NBEA: variants seen among roughly 807,000 people sequenced by gnomAD.
The protein encoded by NBEA is neurobeachin, also known as lysosomal-trafficking regulator 2.
In NBEA, 44 loss-of-function variants were observed where a neutral mutation model predicts 343.4. That is an observed-to-expected ratio of 0.13 (90% confidence interval 0.10 to 0.16). The LOEUF is 0.16. NBEA is among the 10% of genes least tolerant of loss of function. NBEA has a pLI of 1.00. For synonymous variants in NBEA, 1,175 were observed against 1,238.7 expected (o/e 0.95, Z 1.08); for missense variants, 2,555 against 3,631.3 (o/e 0.70, Z 7.62).
chr13:35,490,084 T>C (rs1311355514), intron 41 of NBEA, among the ~76,000 whole-genome samples: 1 of 151,874 alleles, frequency 6.6e-6, no homozygotes, highest in African/African-American at 2.4e-5. Flanking sequence ...AGTGGCACTT[T>C]TGTTGTGCGG....
intron 28 of NBEA, among the ~76,000 whole-genome samples, chr13:35,177,934 G>A (rs1475847870): frequency 2.0e-5 from 3 of 151,640 alleles, no homozygotes; most frequent in Non-Finnish European, 4.4e-5. Flanking sequence ...ATAACATAAT[G>A]CTATATGTTA....
At chr13:35,210,985 A>G in intron 32 of NBEA, 68 bp from the exon 33 acceptor site, 1 of 1,449,466 alleles carries the variant, frequency 6.9e-7, no homozygotes. Context: ...ATCAGATAGT[A>G]ATGGTGTAAT....
chr13:35,656,499 A>T (rs1283272222), intron 55 of NBEA, among the ~76,000 whole-genome samples: 1 of 152,176 alleles, frequency 6.6e-6, no homozygotes, highest in Non-Finnish European at 1.5e-5. Flanking sequence ...TATTTATGTA[A>T]GAGAAGTTAG....
chr13:35,649,926 G>GCTA, intron 52 of NBEA, 79 bp downstream of exon 52: 7 of 677,826 alleles, frequency 1.0e-5, no homozygotes, highest in Non-Finnish European at 1.1e-5. Context: ...CTGGGACTGG[G>GCTA]ATTAGCTCAT....
intron 14 of NBEA, 70 bp downstream of exon 14, chr13:35,117,563 A>G (rs1431056949): frequency 4.5e-5 from 31 of 691,880 alleles, no homozygotes; most frequent in Non-Finnish European, 5.1e-5. Flanking sequence ...ATGTTTTAAA[A>G]TTATTAAATT....
chr13:35,500,402 G>C (rs935830495), intron 41 of NBEA, among the ~76,000 whole-genome samples: 1 of 152,152 alleles, frequency 6.6e-6, no homozygotes, highest in African/African-American at 2.4e-5. Context: ...ACACAAAGCT[G>C]TCATCCACCG....
intron 1 of NBEA, among the ~76,000 whole-genome samples, chr13:34,957,087 A>G (rs1347846187): frequency 2.0e-5 from 3 of 152,108 alleles, no homozygotes; most frequent in Non-Finnish European, 4.4e-5. Flanking sequence ...ACACAAACAC[A>G]TACACACACA....
chr13:35,371,949 G>A (rs927134309), intron 38 of NBEA, among the ~76,000 whole-genome samples: 1 of 152,154 alleles, frequency 6.6e-6, no homozygotes. Flanking sequence ...GTAAAGTTTT[G>A]TTGGAGATAG....
rs1292400973 is a variant in NBEA, at chr13:35,581,411, A to G, written c.7036-2487A>G. Among the ~76,000 whole-genome samples the G allele has an allele frequency of 4.0e-5, 6 of 151,824 alleles. No individual in the cohort carries two copies. In the East Asian group the frequency reaches 1.2e-3, roughly 29 times the overall value. On this transcript the variant is annotated intron_variant, in intron 45 of 58. Coordinates refer to ENST00000379939, the MANE Select transcript of NBEA (RefSeq NM_001385012.1). ...TTTTTCATGTGTTTTTTGGCTGCATAAATGTCTTCTTTTGAGAAGTGTCTG... is the reference window on the plus strand; with the variant it reads ...TTTTTCATGTGTTTTTTGGCTGCATGAATGTCTTCTTTTGAGAAGTGTCTG...
chr13:35,086,407 A>G (rs558628121), intron 10 of NBEA, among the ~76,000 whole-genome samples: 10 of 152,068 alleles, frequency 6.6e-5, no homozygotes, highest in African/African-American at 1.9e-4. Flanking sequence ...ATCTAACTGT[A>G]TGTTTGTACC....
chr13:35,669,753 A>C (rs1272076335), intron 58 of NBEA, among the ~76,000 whole-genome samples: 1 of 152,196 alleles, frequency 6.6e-6, no homozygotes, highest in East Asian at 1.9e-4. Context: ...AGTGCAGTGC[A>C]AAGTACTAAG....
intron 45 of NBEA, among the ~76,000 whole-genome samples, chr13:35,579,508 G>C (rs9600973): frequency 0.11 from 16,396 of 152,002 alleles, 1,087 homozygotes; most frequent in African/African-American, 0.19. Flanking sequence ...TAAGATGACA[G>C]AAAGAGGAAA....
intron 1 of NBEA, among the ~76,000 whole-genome samples, chr13:35,008,856 A>C (rs941945111): frequency 9.2e-5 from 14 of 152,160 alleles, no homozygotes; most frequent in African/African-American, 3.4e-4. Flanking sequence ...AATTCTTGGA[A>C]GTCTGTGAAC....
chr13:35,043,456 A>G (rs188526154), intron 2 of NBEA, among the ~76,000 whole-genome samples: 3 of 152,034 alleles, frequency 2.0e-5, no homozygotes, highest in Admixed American at 2.0e-4. Flanking sequence ...GCTTAAAAAT[A>G]CTTCATATTA....
chr13:35,586,066 AT>A (rs1396727704), intron 46 of NBEA, among the ~76,000 whole-genome samples: 1 of 152,038 alleles, frequency 6.6e-6, no homozygotes, highest in Non-Finnish European at 1.5e-5. Flanking sequence ...TTAATCAATA[AT>A]TTTTCCCCTT....
chr13:35,353,347 A>G (rs1203382800), intron 38 of NBEA, among the ~76,000 whole-genome samples: 2 of 152,142 alleles, frequency 1.3e-5, no homozygotes, highest in Admixed American at 6.5e-5. Flanking sequence ...AGGCACAAGA[A>G]TTGCTTGAAC....
intron 39 of NBEA, among the ~76,000 whole-genome samples, chr13:35,436,865 A>G (rs1325069599): frequency 6.6e-6 from 1 of 152,196 alleles, no homozygotes; most frequent in Non-Finnish European, 1.5e-5. Flanking sequence ...AACTTTCAGA[A>G]TGTCTAGAAG....
At chr13:35,112,841 C>T (rs1414707340) in intron 13 of NBEA, among the ~76,000 whole-genome samples, 1 of 152,042 alleles carries the variant, frequency 6.6e-6, no homozygotes, top group East Asian at 1.9e-4. Context: ...ACTCTGTCAC[C>T]TCTAAATACT....
chr13:35,377,622 T>A (rs1310285567), intron 38 of NBEA, among the ~76,000 whole-genome samples: 1 of 152,206 alleles, frequency 6.6e-6, no homozygotes, highest in Non-Finnish European at 1.5e-5. Flanking sequence ...CTAGCTCAGA[T>A]CTCAGTGATT....
Sources: gnomAD v4.1 joint callset for allele counts (sites outside exome capture counted in the v4.1 genomes callset) on GRCh38, gnomAD v4.1.1 for gene constraint, MANE v1.5 for transcripts, NCBI Gene and HGNC (gene_info 2026-07-23, HGNC 2026-07-21) for gene names.